The following CFHR5 variants were observed in gnomAD, a reference collection of about 807,000 sequenced individuals.
CFHR5 encodes the protein complement factor H-related protein 5.
CFHR5 carries 73 observed loss-of-function variants against 62.9 expected under a neutral mutation model. The ratio of observed to expected loss-of-function variants is 1.16; its 90% CI spans 0.96 to 1.41. The LOEUF (loss-of-function observed/expected upper bound fraction) is 1.41, where lower values mean the gene tolerates loss of function less well. Among genes scored for constraint, CFHR5 ranks in the 40% most tolerant of loss-of-function variants. CFHR5 has a pLI of 0.00. For missense variants in CFHR5, 779 were observed against 679.9 expected, an observed-to-expected ratio of 1.15 and a Z score of -1.62; for synonymous variants, 249 against 227.2, an observed-to-expected ratio of 1.10 and a Z score of -0.86.
rs184653915 is a variant in CFHR5 at position 196,988,075 on chromosome 1, G to C, written c.430+3938G>C. ...AGTGGTTTGTAGTTCTCCTTGAAGAGATTCTTCACATCCCTTGTAAATAGG... is the reference window on the plus strand; with the variant it reads ...AGTGGTTTGTAGTTCTCCTTGAAGACATTCTTCACATCCCTTGTAAATAGG... On this transcript the variant is annotated intron_variant, in intron 3 of 9. Coordinates refer to ENST00000256785, the MANE Select transcript of CFHR5 (RefSeq NM_030787.4). Among the ~76,000 whole-genome samples, 65 of 152,238 alleles carry C rather than the reference G, an allele frequency of 4.3e-4. 1 individual carries two copies. The highest frequency in any genetic ancestry group is 4.2e-3 in the Admixed American group (64 of 15,286).
intron 1 of CFHR5, among the ~76,000 whole-genome samples, chr1:196,982,292 G>T: frequency 6.6e-6 from 1 of 152,138 alleles, no homozygotes; most frequent in East Asian, 1.9e-4. Context: ...TTCTTAAATT[G>T]TTGTGTGAGG....
At chr1:196,994,990 T>G (rs936578256) in intron 4 of CFHR5, among the ~76,000 whole-genome samples, 1 of 152,130 alleles carries the variant, frequency 6.6e-6, no homozygotes, top group Admixed American at 6.5e-5. Flanking sequence ...TCCCACCAGG[T>G]TCTTCCCACA....
intron 7 of CFHR5, among the ~76,000 whole-genome samples, chr1:197,002,069 G>C (rs1172158537): frequency 1.3e-5 from 2 of 152,060 alleles, no homozygotes; most frequent in African/African-American, 4.8e-5. Context: ...TCAGTTATTA[G>C]GGGAAGTCAT....
At position 196,977,620 on chromosome 1, in the gene CFHR5, C is replaced by A; in HGVS notation, c.-45C>A. 1 of 1,441,974 alleles carries A rather than the reference C, an allele frequency of 6.9e-7. No homozygotes were observed. The highest frequency in any genetic ancestry group is 9.8e-7 in the Non-Finnish European group (1 of 1,023,896). The allele number at this position is 1,441,974 out of a possible 1,614,324, so 89.3% of individuals were successfully genotyped here. A position where few individuals can be genotyped will look rare whatever the true frequency, so the allele number is the denominator to read the frequency against. ...GAAAGCAGATTTAAAGCAACACCACCATCACTGGAGTATTTTTAGTTATAT... is the reference window on the plus strand; with the variant it reads ...GAAAGCAGATTTAAAGCAACACCACAATCACTGGAGTATTTTTAGTTATAT... On this transcript the variant is annotated 5_prime_UTR_variant, in exon 1 of 10. Coordinates refer to ENST00000256785, the MANE Select transcript of CFHR5 (RefSeq NM_030787.4).
Position 196,983,024 on chromosome 1 carries a change from T to C in CFHR5, c.198T>C (p.Phe66=), listed in dbSNP as rs1653582235. 5 of 1,614,134 alleles carry C rather than the reference T, an allele frequency of 3.1e-6. No homozygotes were observed. The highest frequency in any genetic ancestry group is 4.2e-6 in the Non-Finnish European group (5 of 1,180,028). The change falls in exon 2 of 10, where the codon TTT becomes TTC. Residue 66 remains phenylalanine, a synonymous_variant. Transcript: ENST00000256785. ...EYNFVSPSKS[F]WTRITCTEEG... ...ATTTTGTGTCTCCTTCAAAATCCTT[T>C]TGGACTCGCATAACATGCACAGAAG...
chr1:196,979,672 C>T (rs1331299933), intron 1 of CFHR5, among the ~76,000 whole-genome samples: 1 of 151,992 alleles, frequency 6.6e-6, no homozygotes, highest in Admixed American at 6.6e-5. Flanking sequence ...AGCACATTAC[C>T]ATACACTACT....
chr1:197,006,708 G>A (rs561036374), intron 9 of CFHR5, among the ~76,000 whole-genome samples: 64 of 83,632 alleles, frequency 7.7e-4, no homozygotes, highest in East Asian at 1.9e-3. Flanking sequence ...GTGAAACTCC[G>A]TCAAAAAAAA....
chr1:197,007,851 G>T, intron 9 of CFHR5, among the ~76,000 whole-genome samples: 1 of 145,684 alleles, frequency 6.9e-6, no homozygotes, highest in African/African-American at 2.5e-5. Context: ...TTATACATTA[G>T]ATATAAATTG....
chr1:197,005,089 A>C (rs1654253479), intron 9 of CFHR5, among the ~76,000 whole-genome samples: 1 of 152,194 alleles, frequency 6.6e-6, no homozygotes. Context: ...AATTCTGTAG[A>C]GTCCAGAGCT....
Position 197,009,044 on chromosome 1 carries a change from C to T in CFHR5, c.*361C>T, listed in dbSNP as rs1571532521. ...CATAATATGCTGGAAGGCATCACAA[C>T]ATGGTGGAAGGGATCACGTGGCAAA... On this transcript the variant is annotated 3_prime_UTR_variant, in exon 10 of 10. Transcript: ENST00000256785. 1.1e-5 allele frequency: 2 copies of T among 186,290 alleles called. No individual in the cohort carries two copies. The highest frequency in any genetic ancestry group is 5.9e-5 in the Admixed American group (1 of 17,074). The allele number at this position is 186,290 out of a possible 1,614,324, so 11.5% of individuals were successfully genotyped here.
chr1:196,999,387 CCAGT>C (rs1446395964), intron 7 of CFHR5, among the ~76,000 whole-genome samples: 3 of 151,464 alleles, frequency 2.0e-5, no homozygotes, highest in African/African-American at 4.8e-5. Context: ...CTTAAATTGG[CCAGT>C]CATTCTGCCC....
At chr1:196,994,381 G>T (rs1039585812) in intron 4 of CFHR5, 125 bp downstream of exon 4, 2 of 785,784 alleles carry the variant, frequency 2.5e-6, no homozygotes, top group Admixed American at 2.2e-5. Context: ...AAGGAGAAAG[G>T]ATGCAGTTCT....
At chr1:197,003,274 C>A (rs556959622) in intron 8 of CFHR5, among the ~76,000 whole-genome samples, 3 of 152,130 alleles carry the variant, frequency 2.0e-5, no homozygotes, top group African/African-American at 7.2e-5. Context: ...AATGCTCATT[C>A]GCCTGCCTCT....
At chr1:196,997,378 G>A (rs896650145) in intron 6 of CFHR5, among the ~76,000 whole-genome samples, 2 of 152,100 alleles carry the variant, frequency 1.3e-5, no homozygotes, top group African/African-American at 4.8e-5. Context: ...CATATGGGGT[G>A]AATTAAAAAT....
intron 1 of CFHR5, among the ~76,000 whole-genome samples, chr1:196,980,129 G>C (rs934245157): frequency 2.0e-5 from 3 of 152,008 alleles, no homozygotes; most frequent in Non-Finnish European, 2.9e-5. Context: ...CCTCACTCTT[G>C]TTCCACTAGA....
chr1:196,995,100 C>A (rs1294453121), intron 4 of CFHR5, among the ~76,000 whole-genome samples: 1 of 152,072 alleles, frequency 6.6e-6, no homozygotes, highest in Admixed American at 6.6e-5. Context: ...AAAGTTATAA[C>A]TATACATTGC....
intron 6 of CFHR5, 52 bp from the exon 7 acceptor site, chr1:196,998,076 G>C (rs1423654995): frequency 3.5e-6 from 4 of 1,134,204 alleles, no homozygotes; most frequent in Non-Finnish European, 3.9e-6. Flanking sequence ...TAATATTGCA[G>C]ATATTTTATT....
chr1:197,002,594 C>T lies in CFHR5; in HGVS notation c.1260C>T (p.Asn420=). 6.2e-7 allele frequency: 1 copy of T among 1,613,176 alleles called. No homozygotes were observed. Among genetic ancestry groups the T allele is most frequent in the South Asian group, 1.1e-5 (1 of 91,064 alleles). Residue 420 remains asparagine (N), a synonymous_variant, in exon 8 of 10, where the codon AAC becomes AAT. Coordinates refer to ENST00000256785, the MANE Select transcript of CFHR5 (RefSeq NM_030787.4). Reference sequence around the variant, plus strand: ...AAGTAGCTGTTCTCTGTAAAGAAAACTATCTACTTCCAGAAGCAAAAGAAA... The same window carrying T: ...AAGTAGCTGTTCTCTGTAAAGAAAATTATCTACTTCCAGAAGCAAAAGAAA... ...GEKVAVLCKE[N]YLLPEAKEIV...
At chr1:197,006,859 C>A (rs1321349373) in intron 9 of CFHR5, among the ~76,000 whole-genome samples, 1 of 151,260 alleles carries the variant, frequency 6.6e-6, no homozygotes, top group Non-Finnish European at 1.5e-5. Context: ...TTTTTCAAGA[C>A]AAAGTCTTGC....
Sources: gnomAD v4.1 joint callset for allele counts (sites outside exome capture counted in the v4.1 genomes callset) on GRCh38, gnomAD v4.1.1 for gene constraint, MANE v1.5 for transcripts, NCBI Gene and HGNC (gene_info 2026-07-23, HGNC 2026-07-21) for gene names.